The following TMEM217 variants were observed in gnomAD, a reference collection of about 807,000 sequenced individuals.
The protein encoded by TMEM217 is transmembrane protein 217.
For missense variants in TMEM217, 204 were observed against 248.8 expected (o/e 0.82, Z 1.21); for synonymous variants, 76 against 88.3 (o/e 0.86, Z 0.78).
At chr6:37,218,351 A>T in exon 2 of TMEM217, 1 of 1,272,696 alleles carries the variant, frequency 7.9e-7, no homozygotes, top group South Asian at 1.5e-5. Context: ...TATTTTTTTT[A>T]GTAGAGACGG....
exon 2 of TMEM217, chr6:37,218,952 C>A: frequency 6.2e-7 from 1 of 1,614,208 alleles, no homozygotes; most frequent in Non-Finnish European, 8.5e-7. Context: ...AGATACATGT[C>A]TACGGCCATG....
At chr6:37,252,635 ATATTTTTTTTTTT>A (rs1219512173) in intron 1 of TMEM217, among the ~76,000 whole-genome samples, 1 of 60,384 alleles carries the variant, frequency 1.7e-5, no homozygotes, top group Non-Finnish European at 3.4e-5. Context: ...ATATATATAT[ATATTTTTTTTTTT>A]TTTTTTTTTT....
rs1763362024 is a variant in TMEM217 at position 37,218,762 on chromosome 6, A to G, written c.269T>C (p.Ile90Thr). 1.3e-5 allele frequency: 21 copies of G among 1,614,078 alleles called. No homozygotes were observed. In the East Asian group the frequency reaches 4.7e-4, roughly 36 times the overall value. Residue 90 changes from isoleucine to threonine, a missense_variant, in exon 2 of 2, where the codon ATC becomes ACC. Coordinates refer to ENST00000357219, the Ensembl canonical transcript of TMEM217. ...AATGTAGATGACCAGGCCCCTGAAG[A>G]TCTGGGCATACACTGAGTACAGGAG...
chr6:37,218,246 T>A, exon 2 of TMEM217: 1 of 1,309,504 alleles, frequency 7.6e-7, no homozygotes, highest in Non-Finnish European at 1.0e-6. Flanking sequence ...CTCGGCTCAC[T>A]GCAACCTCCA....
At chr6:37,219,994 G>T (rs1339013529) in intron 1 of TMEM217, among the ~76,000 whole-genome samples, 4 of 152,132 alleles carry the variant, frequency 2.6e-5, no homozygotes, top group African/African-American at 9.7e-5. Context: ...TAGAGCCCTA[G>T]GATAGACTAG....
exon 2 of TMEM217, chr6:37,218,356 AGAC>A (rs1409298603): frequency 3.1e-6 from 4 of 1,304,958 alleles, no homozygotes; most frequent in Non-Finnish European, 4.2e-6. Context: ...TTTTTAGTAG[AGAC>A]GGGGTTTTGC....
At chr6:37,245,298 C>T (rs1345784015) in intron 1 of TMEM217, among the ~76,000 whole-genome samples, 2 of 152,246 alleles carry the variant, frequency 1.3e-5, no homozygotes, top group African/African-American at 4.8e-5. Context: ...GAGCATTTGA[C>T]TCCATAGGTA....
chr6:37,254,935 C>G (rs983896401), intron 1 of TMEM217, among the ~76,000 whole-genome samples: 1 of 152,104 alleles, frequency 6.6e-6, no homozygotes, highest in Non-Finnish European at 1.5e-5. Flanking sequence ...ATAAGGAGTG[C>G]GCAATGCAAC....
intron 1 of TMEM217, among the ~76,000 whole-genome samples, chr6:37,222,940 A>T (rs1562005319): frequency 6.6e-6 from 1 of 152,194 alleles, no homozygotes; most frequent in East Asian, 1.9e-4. Flanking sequence ...TTGAAAAAGA[A>T]CCCAAATAGA....
intron 1 of TMEM217, among the ~76,000 whole-genome samples, chr6:37,219,922 C>T (rs956453707): frequency 7.9e-5 from 12 of 152,072 alleles, no homozygotes; most frequent in Non-Finnish European, 4.4e-5. Context: ...TTTGGGCAAT[C>T]GCTTCTCTAC....
At chr6:37,215,598 A>T (rs1215165172), downstream of TMEM217, among the ~76,000 whole-genome samples, 2 of 135,544 alleles carry the variant, frequency 1.5e-5, no homozygotes, top group African/African-American at 5.5e-5. Context: ...AAAAAAAAAA[A>T]AAAGAAAAGA....
chr6:37,250,738 A>C (rs2113922410), intron 1 of TMEM217, among the ~76,000 whole-genome samples: 1 of 152,376 alleles, frequency 6.6e-6, no homozygotes. Context: ...TAAGTGTAAA[A>C]AAGCTGGGAA....
intron 1 of TMEM217, among the ~76,000 whole-genome samples, chr6:37,232,762 G>C (rs1305241178): frequency 1.3e-5 from 2 of 152,158 alleles, no homozygotes. Context: ...GCCCTCCGCG[G>C]AATCTTCCAT....
intron 1 of TMEM217, among the ~76,000 whole-genome samples, chr6:37,224,132 T>C (rs1225213335): frequency 6.7e-6 from 1 of 148,596 alleles, no homozygotes; most frequent in Non-Finnish European, 1.5e-5. Context: ...AGAGACAGAG[T>C]TTTACCATGT....
At chr6:37,212,976 C>T, downstream of TMEM217, 2 of 1,543,992 alleles carry the variant, frequency 1.3e-6, no homozygotes, top group Non-Finnish European at 8.8e-7. Flanking sequence ...TCATTTTATA[C>T]TTGTTTTACC....
chr6:37,241,587 T>C (rs1240145766), intron 1 of TMEM217, among the ~76,000 whole-genome samples: 1 of 152,164 alleles, frequency 6.6e-6, no homozygotes, highest in Admixed American at 6.5e-5. Flanking sequence ...CCCCCAGTGA[T>C]GCTACAGGTT....
intron 1 of TMEM217, among the ~76,000 whole-genome samples, chr6:37,219,849 A>C (rs2113815837): frequency 6.6e-6 from 1 of 152,214 alleles, no homozygotes; most frequent in East Asian, 1.9e-4. Flanking sequence ...TTCAGGATAT[A>C]ACCAGGGCAG....
chr6:37,252,189 G>T (rs577864308), intron 1 of TMEM217, among the ~76,000 whole-genome samples: 13 of 152,232 alleles, frequency 8.5e-5, no homozygotes, highest in South Asian at 4.1e-4. Context: ...CACTGCGCCT[G>T]GCCTGGATTT....
chr6:37,258,049 C>T (rs1562033085), exon 1 of TMEM217: 2 of 1,529,268 alleles, frequency 1.3e-6, no homozygotes, highest in Non-Finnish European at 1.8e-6. Context: ...TCCCGCGGGC[C>T]TGGGGCGCCA....
Sources: gnomAD v4.1 joint callset for allele counts (sites outside exome capture counted in the v4.1 genomes callset) on GRCh38, gnomAD v4.1.1 for gene constraint, MANE v1.5 for transcripts, NCBI Gene and HGNC (gene_info 2026-07-23, HGNC 2026-07-21) for gene names.